ARHGAP39: variants seen among roughly 807,000 people sequenced by gnomAD.
ARHGAP39 encodes rho GTPase-activating protein 39.
Under a neutral mutation model 106.9 loss-of-function variants are expected in ARHGAP39, and 44 were observed. The ratio of observed to expected loss-of-function variants is 0.41; its 90% CI spans 0.32 to 0.53. The LOEUF (loss-of-function observed/expected upper bound fraction) is 0.53. ARHGAP39 is among the 20% of genes least tolerant of loss of function. ARHGAP39 has a pLI of 0.21. For missense variants in ARHGAP39, 1,496 were observed against 1,577.3 expected (o/e 0.95, Z 0.87); for synonymous variants, 768 against 693.2 (o/e 1.11, Z -1.69).
chr8:144,661,216 G>A (rs898837936), intron 1 of ARHGAP39, among the ~76,000 whole-genome samples: 2 of 152,044 alleles, frequency 1.3e-5, no homozygotes, highest in African/African-American at 4.8e-5. Context: ...GAGCAGAGGA[G>A]GCCATTCCAC....
At chr8:144,556,057 G>A (rs994699246) in intron 3 of ARHGAP39, among the ~76,000 whole-genome samples, 21 of 152,110 alleles carry the variant, frequency 1.4e-4, no homozygotes, top group Non-Finnish European at 1.6e-4. Flanking sequence ...AGGCTGAGGC[G>A]GGCGGATCAC....
rs764498510 is a variant in ARHGAP39, at chr8:144,605,521, G to A, written c.80+14C>T. 1.1e-5 allele frequency: 17 copies of A among 1,613,610 alleles called. No homozygotes were observed. Among genetic ancestry groups the A allele is most frequent in the East Asian group, 8.9e-5 (4 of 44,852 alleles). On this transcript the variant is annotated intron_variant, in intron 2 of 11. Coordinates refer to ENST00000377307, the MANE Select transcript of ARHGAP39 (RefSeq NM_025251.3). ...TGAGGCCCGGGCAGCTCCGCAGGTC[G>A]GTCGGCTCCTTACCGAGTGTTCGAC... is the stretch of plus-strand genomic sequence containing the variant.
chr8:144,597,012 C>T (rs186856985), intron 2 of ARHGAP39, among the ~76,000 whole-genome samples: 103 of 152,340 alleles, frequency 6.8e-4, no homozygotes, highest in Admixed American at 1.2e-3. Flanking sequence ...CAGCAGAGGC[C>T]ATGGCTTCTC....
At chr8:144,621,955 C>T (rs1820817973) in intron 1 of ARHGAP39, among the ~76,000 whole-genome samples, 2 of 152,182 alleles carry the variant, frequency 1.3e-5, no homozygotes, top group Admixed American at 6.5e-5. Flanking sequence ...TGAGTGACTG[C>T]GACTTGGGTA....
chr8:144,552,385 G>A (rs962360260), intron 4 of ARHGAP39, among the ~76,000 whole-genome samples: 1 of 152,270 alleles, frequency 6.6e-6, no homozygotes, highest in Non-Finnish European at 1.5e-5. Context: ...AGAAGCGCGC[G>A]GCGGCAGCAG....
intron 6 of ARHGAP39, among the ~76,000 whole-genome samples, chr8:144,544,352 G>A (rs536870939): frequency 1.3e-4 from 20 of 152,382 alleles, no homozygotes; most frequent in African/African-American, 3.6e-4. Flanking sequence ...GGGGGTAATA[G>A]GGGTAAGGCC....
intron 1 of ARHGAP39, among the ~76,000 whole-genome samples, chr8:144,664,855 G>A (rs1821921901): frequency 6.6e-6 from 1 of 152,128 alleles, no homozygotes; most frequent in African/African-American, 2.4e-5. Context: ...GCATGAAAAT[G>A]GACTAATACA....
At chr8:144,592,595 C>T (rs903488766) in intron 2 of ARHGAP39, among the ~76,000 whole-genome samples, 5 of 138,748 alleles carry the variant, frequency 3.6e-5, no homozygotes, top group Middle Eastern at 3.8e-3. Context: ...TGAGCCCAGA[C>T]CCTCGGGAAA....
the ARHGAP39 span, among the ~76,000 whole-genome samples, chr8:144,697,054 G>A: frequency 6.6e-6 from 1 of 152,152 alleles, no homozygotes; most frequent in Non-Finnish European, 1.5e-5. Context: ...GTCGGGCGCG[G>A]TGGCTCATGC....
chr8:144,640,052 T>C (rs1821271942), intron 1 of ARHGAP39, among the ~76,000 whole-genome samples: 1 of 152,324 alleles, frequency 6.6e-6, no homozygotes, highest in African/African-American at 2.4e-5. Flanking sequence ...CTCTGTAGAA[T>C]ATATTACAGG....
At chr8:144,635,883 G>A (rs1821162067) in intron 1 of ARHGAP39, among the ~76,000 whole-genome samples, 1 of 38,504 alleles carries the variant, frequency 2.6e-5, no homozygotes, top group African/African-American at 1.3e-4. Context: ...GACAGTGTGG[G>A]GACTGAATTA....
At chr8:144,639,703 G>T (rs2130986830) in intron 1 of ARHGAP39, among the ~76,000 whole-genome samples, 1 of 152,072 alleles carries the variant, frequency 6.6e-6, no homozygotes, top group Non-Finnish European at 1.5e-5. Context: ...ACAAGTAGAA[G>T]ACGCCACAAT....
At chr8:144,694,996 A>C in the ARHGAP39 span, among the ~76,000 whole-genome samples, 2 of 151,638 alleles carry the variant, frequency 1.3e-5, no homozygotes, top group Non-Finnish European at 2.9e-5. Flanking sequence ...TTGCCCATTG[A>C]TTAGTGAGGT....
At chr8:144,581,557 T>A (rs1247062603) in intron 2 of ARHGAP39, among the ~76,000 whole-genome samples, 5 of 152,156 alleles carry the variant, frequency 3.3e-5, no homozygotes, top group Admixed American at 3.3e-4. Context: ...CAGGCTCCTG[T>A]CCTCACAGGC....
At chr8:144,540,921 G>A (rs1306737580) in intron 6 of ARHGAP39, among the ~76,000 whole-genome samples, 4 of 152,312 alleles carry the variant, frequency 2.6e-5, no homozygotes, top group South Asian at 2.1e-4. Flanking sequence ...GCAAGATCTC[G>A]GCTCACTGCA....
chr8:144,669,567 G>GA (rs1175720945), intron 1 of ARHGAP39, among the ~76,000 whole-genome samples: 8 of 127,482 alleles, frequency 6.3e-5, no homozygotes, highest in Non-Finnish European at 1.2e-4. Context: ...AAAAAATAAA[G>GA]AAAAAAAGAA....
chr8:144,565,928 CA>C (rs796671932), intron 3 of ARHGAP39, among the ~76,000 whole-genome samples: 1,713 of 53,272 alleles, frequency 0.032, 38 homozygotes, highest in African/African-American at 0.076. Context: ...CCCAACTCTA[CA>C]AAAAAAAAAA....
chr8:144,686,744 T>C (rs1476994985), upstream of ARHGAP39, among the ~76,000 whole-genome samples: 1 of 152,188 alleles, frequency 6.6e-6, no homozygotes, highest in Admixed American at 6.5e-5. Flanking sequence ...CACAGGGCTC[T>C]GCTTTTTCGC....
At position 144,641,154 on chromosome 8, in the gene ARHGAP39, T is replaced by C. The variant is rs1821304639; in HGVS notation, c.-81-35459A>G. Among the ~76,000 whole-genome samples the C allele has an allele frequency of 6.6e-6, 1 of 152,124 alleles. No individual in the cohort carries two copies. The highest frequency in any genetic ancestry group is 1.5e-5 in the Non-Finnish European group (1 of 68,034). ...AAAGCTTTCATCCACCATCCACCTG[T>C]TCTGCCACAGGATCACGGGGGGAAA... On this transcript the variant is annotated intron_variant, in intron 1 of 11. Transcript: ENST00000377307. This position sits in a 1 kb window ranked among gnomAD's most constrained non-coding sequence, Gnocchi z 5.2.
Sources: gnomAD v4.1 joint callset for allele counts (sites outside exome capture counted in the v4.1 genomes callset) on GRCh38, gnomAD v4.1.1 for gene constraint, Gnocchi (gnomAD v3.1) non-coding constraint, MANE v1.5 for transcripts, NCBI Gene and HGNC (gene_info 2026-07-23, HGNC 2026-07-21) for gene names.